The following NKAIN3 variants were observed in gnomAD, a reference collection of about 807,000 sequenced individuals.
The protein encoded by NKAIN3 is sodium/potassium-transporting ATPase subunit beta-1-interacting protein 3.
A neutral mutation model predicts 30.2 loss-of-function variants in NKAIN3; 25 were observed. That is an observed-to-expected ratio of 0.83 (90% CI 0.60 to 1.16). NKAIN3 has a LOEUF of 1.16. Among genes scored for constraint, NKAIN3 ranks in the 50% most tolerant of loss-of-function variants. The pLI is 0.00. For synonymous variants in NKAIN3, 91 were observed against 89.6 expected (o/e 1.02, Z -0.09); for missense variants, 225 against 254.1 (o/e 0.89, Z 0.78).
In NKAIN3 at chr8:62,842,100, T is replaced by C. The variant is rs116372060; in HGVS notation, c.472-76353T>C. Among the ~76,000 whole-genome samples the C allele has an allele frequency of 3.2e-3, 484 of 152,296 alleles. 2 individuals are homozygous for C. Among genetic ancestry groups the C allele is most frequent in the African/African-American group, 0.011 (463 of 41,588 alleles). On this transcript the variant is annotated intron_variant, in intron 4 of 6. Coordinates refer to ENST00000623646, the MANE Select transcript of NKAIN3 (RefSeq NM_001304533.3). The stretch of plus-strand genomic sequence containing the variant: ...ACCTTTTGGCCGTTTGGATGAGTTC[T>C]TTTGAGAAGTGTTTGTTCAGGTCCT...
chr8:62,445,292 A>G (rs964420452), intron 1 of NKAIN3, among the ~76,000 whole-genome samples: 2 of 147,054 alleles, frequency 1.4e-5, no homozygotes, highest in African/African-American at 5.0e-5. Flanking sequence ...TTTTCCATAT[A>G]CCTGTTGGCC....
intron 4 of NKAIN3, among the ~76,000 whole-genome samples, chr8:62,789,663 A>T (rs545926874): frequency 6.6e-6 from 1 of 152,146 alleles, no homozygotes; most frequent in South Asian, 2.1e-4. Context: ...ACAAGCTACC[A>T]TCAGAGAATA....
At chr8:62,320,650 A>G (rs59718717) in intron 1 of NKAIN3, among the ~76,000 whole-genome samples, 11,858 of 152,176 alleles carry the variant, frequency 0.078, 1,536 homozygotes, top group African/African-American at 0.27. Context: ...TAAGAATGTT[A>G]AATATTGGCC....
At chr8:62,641,023 T>A (rs916395373) in intron 3 of NKAIN3, among the ~76,000 whole-genome samples, 3 of 151,544 alleles carry the variant, frequency 2.0e-5, no homozygotes, top group African/African-American at 4.9e-5. Context: ...TTTTTTTTTT[T>A]AGTCCCTTGC....
chr8:62,680,591 A>C (rs1458875159), intron 3 of NKAIN3, among the ~76,000 whole-genome samples: 1 of 152,216 alleles, frequency 6.6e-6, no homozygotes, highest in Non-Finnish European at 1.5e-5. Context: ...AAATGGGACA[A>C]AAGTGACTTC....
chr8:62,828,998 C>T (rs1333040993), intron 4 of NKAIN3, among the ~76,000 whole-genome samples: 1 of 152,108 alleles, frequency 6.6e-6, no homozygotes, highest in Non-Finnish European at 1.5e-5. Context: ...ATTTCAGAAT[C>T]ATGATCAAAA....
intron 1 of NKAIN3, among the ~76,000 whole-genome samples, chr8:62,277,507 C>G (rs142598236): frequency 6.6e-6 from 1 of 151,992 alleles, no homozygotes; most frequent in African/African-American, 2.4e-5. Context: ...ACGTCTCATG[C>G]GTAAGAAAGG....
intron 1 of NKAIN3, among the ~76,000 whole-genome samples, chr8:62,424,420 A>T (rs1171475023): frequency 2.7e-5 from 4 of 150,496 alleles, no homozygotes; most frequent in Non-Finnish European, 5.9e-5. Context: ...TAATATAAAA[A>T]ATCTACAAGG....
chr8:62,484,641 G>A lies in NKAIN3; in HGVS notation c.55-94898G>A, dbSNP rs183745561. Among the ~76,000 whole-genome samples the A allele has an allele frequency of 1.4e-3, 219 of 152,304 alleles. 1 individual carries two copies. Among genetic ancestry groups the A allele is most frequent in the African/African-American group, 5.0e-3 (207 of 41,578 alleles). On this transcript the variant is annotated intron_variant, in intron 1 of 6. Transcript: ENST00000623646. ...CATTATGGCACTAATATGGTGAATG[G>A]AATAAATGTACTCTAAGTTATCTTT...
At chr8:62,917,227 C>T (rs750627654) in intron 4 of NKAIN3, among the ~76,000 whole-genome samples, 1 of 152,170 alleles carries the variant, frequency 6.6e-6, no homozygotes, top group Non-Finnish European at 1.5e-5. Flanking sequence ...TAGACACAGC[C>T]TCTTGCCTTC....
chr8:62,351,597 T>C lies in NKAIN3; in HGVS notation c.54+102470T>C, dbSNP rs1318695700. Among the ~76,000 whole-genome samples the C allele has an allele frequency of 2.0e-5, 3 of 151,626 alleles. No homozygotes were observed. In the East Asian group the frequency reaches 5.8e-4, roughly 29 times the overall value. On this transcript the variant is annotated intron_variant, in intron 1 of 6. Coordinates refer to ENST00000623646, the MANE Select transcript of NKAIN3 (RefSeq NM_001304533.3). ...ATGTATATTTGTGGTTATTTGTCTT[T>C]AAAGCATCTTGTAGTTTGTGCAAAT...
intron 1 of NKAIN3, among the ~76,000 whole-genome samples, chr8:62,501,706 G>A (rs1585879037): frequency 6.6e-6 from 1 of 152,122 alleles, no homozygotes; most frequent in Admixed American, 6.6e-5. Flanking sequence ...TACCCTAAAT[G>A]TTTGCTTAGT....
chr8:62,357,067 A>G (rs1158867687), intron 1 of NKAIN3, among the ~76,000 whole-genome samples: 2 of 152,090 alleles, frequency 1.3e-5, no homozygotes, highest in Non-Finnish European at 2.9e-5. Flanking sequence ...ATGCCACTAT[A>G]CTCCAGCCTG....
At chr8:62,495,401 T>C (rs559786140) in intron 1 of NKAIN3, among the ~76,000 whole-genome samples, 20 of 152,060 alleles carry the variant, frequency 1.3e-4, no homozygotes, top group Admixed American at 1.2e-3. Flanking sequence ...GTGTTTAAAA[T>C]GCCATCATGT....
At chr8:62,473,874 G>A (rs547348707) in intron 1 of NKAIN3, 8 of 152,172 alleles carry the variant, frequency 5.3e-5, no homozygotes, top group Non-Finnish European at 1.2e-4. Context: ...TTGAATTTCA[G>A]AGAGGTAAGA....
chr8:62,298,253 C>T (rs1212157766), intron 1 of NKAIN3, among the ~76,000 whole-genome samples: 1 of 152,070 alleles, frequency 6.6e-6, no homozygotes, highest in Non-Finnish European at 1.5e-5. Context: ...AGCACACCAG[C>T]ATCGCACATG....
intron 1 of NKAIN3, among the ~76,000 whole-genome samples, chr8:62,562,195 C>A (rs1809606053): frequency 6.6e-6 from 1 of 152,136 alleles, no homozygotes; most frequent in Non-Finnish European, 1.5e-5. Flanking sequence ...AATTAAGAGG[C>A]TAATCAAACT....
chr8:62,475,430 A>T (rs914221728), intron 1 of NKAIN3, among the ~76,000 whole-genome samples: 1 of 152,202 alleles, frequency 6.6e-6, no homozygotes, highest in Non-Finnish European at 1.5e-5. Flanking sequence ...CTCCATGGTC[A>T]TTTCTGTTCC....
At chr8:62,455,587 G>C (rs543531239) in intron 1 of NKAIN3, among the ~76,000 whole-genome samples, 1 of 152,314 alleles carries the variant, frequency 6.6e-6, no homozygotes, top group East Asian at 1.9e-4. Context: ...CTACCTGAGT[G>C]ATGGGATCAG....
Sources: allele counts gnomAD v4.1 joint callset (sites outside exome capture counted in the v4.1 genomes callset), GRCh38; gene constraint gnomAD v4.1.1; transcripts MANE v1.5; gene names NCBI Gene and HGNC (gene_info 2026-07-23, HGNC 2026-07-21).